The following PXN variants were observed in gnomAD, a reference collection of about 807,000 sequenced individuals.
PXN encodes paxillin.
In PXN, 61 loss-of-function variants were observed where a neutral mutation model predicts 103.6. The observed-to-expected ratio is 0.59, with a 90% CI of 0.48 to 0.73. The LOEUF (loss-of-function observed/expected upper bound fraction) is 0.73. PXN is among the 30% of genes least tolerant of loss of function. The pLI is 0.00. For synonymous variants in PXN, 562 were observed against 607.8 expected, an observed-to-expected ratio of 0.92 and a Z score of 1.11; for missense variants, 1,274 against 1,460.3, an observed-to-expected ratio of 0.87 and a Z score of 2.08.
chr12:120,220,216 A>G lies in PXN; in HGVS notation c.832-125T>C. The G allele has an allele frequency of 2.1e-6, 1 of 470,018 alleles. No homozygotes were observed. The highest frequency in any genetic ancestry group is 3.8e-6 in the Non-Finnish European group (1 of 265,780). The allele number at this position is 470,018 out of a possible 1,614,324, so 29.1% of individuals were successfully genotyped here. On this transcript the variant is annotated intron_variant, in intron 6 of 14. Transcript: ENST00000637617. The surrounding 1 kb of genome is among the most constrained non-coding windows in gnomAD (Gnocchi z 6.1). ...CAAGGTGGCTGCAAAGCTGACGCAC[A>G]GGACTGACCCTTGAAGGAGACCCAG...
chr12:120,216,587 G>A lies in PXN; in HGVS notation c.1993-6C>T. ...GAGCCAGGAGGGAAGACAACCTGGG[G>A]AGAAGAAAGGAGGGAGAGCGATGAG... On this transcript the variant is annotated splice_polypyrimidine_tract_variant and splice_region_variant and intron_variant, in intron 8 of 14. Coordinates refer to ENST00000637617, the MANE Select transcript of PXN (RefSeq NM_001385981.1). The surrounding 1 kb of genome is among the most constrained non-coding windows in gnomAD (Gnocchi z 5.1). 1.4e-6 allele frequency: 2 copies of A among 1,453,254 alleles called. No individual in the cohort carries two copies. The highest frequency in any genetic ancestry group is 1.8e-6 in the Non-Finnish European group (2 of 1,114,232). The allele number at this position is 1,453,254 out of a possible 1,614,324, so 90.0% of individuals were successfully genotyped here.
chr12:120,242,834 T>C (rs1890386087), intron 1 of PXN, among the ~76,000 whole-genome samples: 1 of 151,110 alleles, frequency 6.6e-6, no homozygotes, highest in Non-Finnish European at 1.5e-5. Flanking sequence ...TGAGCCAAGA[T>C]TATGCCACTG....
At position 120,211,957 on chromosome 12, in the gene PXN, C is replaced by CT. The variant is rs1880301714; in HGVS notation, c.*356_*357insA. The CT allele has an allele frequency of 1.8e-6, 1 of 559,814 alleles. No homozygotes were observed. Among genetic ancestry groups the CT allele is most frequent in the African/African-American group, 1.9e-5 (1 of 53,670 alleles). 34.7% of individuals were successfully genotyped at this position (559,814 alleles called of 1,614,324 possible). Reference sequence around the variant, plus strand: ...AGACCCTGCCTGCCCTTCCCTGCCCCCCGGCTGCACTGCTGAAATATGAGG... The same window carrying CT: ...AGACCCTGCCTGCCCTTCCCTGCCCCTCCGGCTGCACTGCTGAAATATGAGG... On this transcript the variant is annotated 3_prime_UTR_variant, in exon 15 of 15. Transcript: ENST00000637617.
Position 120,212,505 on chromosome 12 carries a change from C to T in PXN, c.3055G>A (p.Glu1019Lys). Residue 1019 changes from glutamate (E) to lysine (K), a missense_variant, in exon 15 of 15, where the codon GAG (glutamate) becomes AAG (lysine). Glu to Lys is a moderately conservative substitution (Grantham distance 56). Transcript: ENST00000637617. This position sits in a 1 kb window ranked among gnomAD's most constrained non-coding sequence, Gnocchi z 7.2. Reference sequence around the variant, plus strand: ...CCAGAACACAGCGAGCCGCGCCGCTCGTGGTAGTGCACCTCACAGTAGGGC... The same window carrying T: ...CCAGAACACAGCGAGCCGCGCCGCTTGTGGTAGTGCACCTCACAGTAGGGC... ...GQPYCEVHYH[E>K]RRGSLCSGCQ... 4.3e-6 allele frequency: 7 copies of T among 1,613,908 alleles called. No homozygotes were observed. The highest frequency in any genetic ancestry group is 1.3e-5 in the African/African-American group (1 of 75,044).
chr12:120,250,870 C>T (rs781351452), intron 1 of PXN, among the ~76,000 whole-genome samples: 5 of 152,156 alleles, frequency 3.3e-5, no homozygotes, highest in Non-Finnish European at 5.9e-5. Flanking sequence ...ACCAAGGCCA[C>T]GGGAAATGCA....
At chr12:120,226,633 G>A in intron 1 of PXN, 1 of 1,184,184 alleles carries the variant, frequency 8.4e-7, no homozygotes, top group South Asian at 1.6e-5. Context: ...AATGTCAACA[G>A]GCTCTTGGGA....
In PXN at chr12:120,229,065, T is replaced by A. The variant is rs1015682006; in HGVS notation, c.14-4688A>T. Among the ~76,000 whole-genome samples the A allele has an allele frequency of 2.0e-5, 3 of 152,174 alleles. No homozygotes were observed. Among genetic ancestry groups the A allele is most frequent in the Admixed American group, 2.0e-4 (3 of 15,282 alleles). ...GAGGAGGGGACCGGTTCGCCTGCAT[T>A]CCAGGGCAAGTGCTGCAGCTGCATC... On this transcript the variant is annotated intron_variant, in intron 1 of 14. Transcript: ENST00000637617. The surrounding 1 kb of genome is among the most constrained non-coding windows in gnomAD (Gnocchi z 4.0).
intron 3 of PXN, 23 bp from the exon 4 acceptor site, chr12:120,223,022 G>C: frequency 6.2e-7 from 1 of 1,613,954 alleles, no homozygotes; most frequent in Non-Finnish European, 8.5e-7. Context: ...AAGGAAAGAA[G>C]ATAGTGAGAG....
chr12:120,213,716 C>G lies in PXN; in HGVS notation c.2979+126G>C. On this transcript the variant is annotated intron_variant, in intron 14 of 14. Transcript: ENST00000637617. This position sits in a 1 kb window ranked among gnomAD's most constrained non-coding sequence, Gnocchi z 4.2. ...TGGACTGGAGGAAGGAGATCCCCTG[C>G]CTGCTCCCCCAATTAATAACCCCAA... 4 of 1,326,008 alleles carry G rather than the reference C, an allele frequency of 3.0e-6. No individual in the cohort carries two copies. The highest frequency in any genetic ancestry group is 4.1e-6 in the Non-Finnish European group (4 of 975,310). 82.1% of individuals were successfully genotyped at this position (1,326,008 alleles called of 1,614,324 possible). A position where few individuals can be genotyped will look rare whatever the true frequency, so the allele number is the denominator to read the frequency against.
At chr12:120,256,186 G>T (rs1892988549) in intron 1 of PXN, among the ~76,000 whole-genome samples, 1 of 152,010 alleles carries the variant, frequency 6.6e-6, no homozygotes, top group African/African-American at 2.4e-5. Flanking sequence ...CAAGGCAGAA[G>T]GATTGCTTGA....
In PXN at chr12:120,216,640, G is replaced by T; in HGVS notation, c.1993-59C>A. 1 of 1,548,448 alleles carries T rather than the reference G, an allele frequency of 6.5e-7. No homozygotes were observed. Among genetic ancestry groups the T allele is most frequent in the Admixed American group, 2.2e-5 (1 of 45,350 alleles). On this transcript the variant is annotated intron_variant, in intron 8 of 14. Transcript: ENST00000637617. This position sits in a 1 kb window ranked among gnomAD's most constrained non-coding sequence, Gnocchi z 5.1. ...AGAAATCGCCAGCTCAGCCCACAGG[G>T]GTGGCGGGACCTCCCCAGGCTCCCC...
At position 120,222,455 on chromosome 12, in the gene PXN, A is replaced by T; in HGVS notation, c.695+94T>A. 9.1e-6 allele frequency: 12 copies of T among 1,322,362 alleles called. No individual in the cohort carries two copies. The highest frequency in any genetic ancestry group is 1.2e-5 in the Non-Finnish European group (12 of 977,176). The allele number at this position is 1,322,362 out of a possible 1,614,324, so 81.9% of individuals were successfully genotyped here. On this transcript the variant is annotated intron_variant, in intron 5 of 14. Coordinates refer to ENST00000637617, the MANE Select transcript of PXN (RefSeq NM_001385981.1). This position sits in a 1 kb window ranked among gnomAD's most constrained non-coding sequence, Gnocchi z 4.7. ...CTGGCAAATGGCAGACACGGGAGGGAGTGGGTGATACCAGGGCTAAGGGGA... is the reference window on the plus strand; with the variant it reads ...CTGGCAAATGGCAGACACGGGAGGGTGTGGGTGATACCAGGGCTAAGGGGA...
chr12:120,211,484 G>C lies in PXN; in HGVS notation c.*830C>G, dbSNP rs1299165118. The stretch of plus-strand genomic sequence containing the variant: ...AGAGCCACCATCAGTGACAGGCCCA[G>C]TGGCGGTGGATGAGGAAGAGAATAC... On this transcript the variant is annotated 3_prime_UTR_variant, in exon 15 of 15. Transcript: ENST00000637617. 1.8e-5 allele frequency: 3 copies of C among 169,164 alleles called. No homozygotes were observed. Among genetic ancestry groups the C allele is most frequent in the African/African-American group, 4.8e-5 (2 of 41,936 alleles). The allele number at this position is 169,164 out of a possible 1,614,324, so 10.5% of individuals were successfully genotyped here.
chr12:120,242,771 T>C (rs532938086), intron 1 of PXN, among the ~76,000 whole-genome samples: 30 of 151,814 alleles, frequency 2.0e-4, no homozygotes, highest in Non-Finnish European at 3.1e-4. Context: ...ATCCCAGCTA[T>C]TCAGGAGGCT....
At position 120,213,909 on chromosome 12, in the gene PXN, C is replaced by T. The variant is rs1033318431; in HGVS notation, c.2912G>A (p.Arg971Gln). Residue 971 changes from arginine to glutamine, a missense_variant, in exon 14 of 15, where the codon CGG (arginine) becomes CAG (glutamine). By Grantham distance (43) the Arg-to-Gln change is conservative (BLOSUM62 1). Around this residue, in one of 2 missense-constraint regions of PXN, gnomAD observed 1,178 missense variants for 1,309.0 expected, o/e 0.90. Transcript: ENST00000637617. The surrounding 1 kb of genome is among the most constrained non-coding windows in gnomAD (Gnocchi z 4.2). ...TGAGATATAGTTCTCCAGGATGGCCCGGGCGCAGCCGCCACACTTGGGTGC... is the reference window on the plus strand; with the variant it reads ...TGAGATATAGTTCTCCAGGATGGCCTGGGCGCAGCCGCCACACTTGGGTGC... Reference protein sequence around the residue: ...MFAPKCGGCARAILENYISAL... With the variant: ...MFAPKCGGCAQAILENYISAL... The T allele has an allele frequency of 7.5e-6, 12 of 1,610,654 alleles. No individual in the cohort carries two copies. Among genetic ancestry groups the T allele is most frequent in the Admixed American group, 6.7e-5 (4 of 59,592 alleles).
chr12:120,259,815 C>T (rs1457857976), intron 1 of PXN, among the ~76,000 whole-genome samples: 1 of 152,190 alleles, frequency 6.6e-6, no homozygotes. Context: ...GAGGAGGGCA[C>T]CCTGAAGCCA....
intron 1 of PXN, among the ~76,000 whole-genome samples, chr12:120,235,505 C>T (rs1888868358): frequency 6.6e-6 from 1 of 152,142 alleles, no homozygotes; most frequent in Admixed American, 6.5e-5. Context: ...GGATGCCCCA[C>T]AAGGAGAGGA....
At chr12:120,234,841 A>G (rs1227098010) in intron 1 of PXN, among the ~76,000 whole-genome samples, 1 of 152,204 alleles carries the variant, frequency 6.6e-6, no homozygotes, top group Non-Finnish European at 1.5e-5. Flanking sequence ...CACTCAGTCA[A>G]TAGATCCACA....
Position 120,221,780 on chromosome 12 carries a change from A to C in PXN, c.696-22T>G. ...AGGGCTGCAGGGTGGGCACAGCATC[A>C]GTGGGGAGCCCACAGTCAGCCCCAC... On this transcript the variant is annotated intron_variant, in intron 5 of 14. Transcript: ENST00000637617. This position sits in a 1 kb window ranked among gnomAD's most constrained non-coding sequence, Gnocchi z 6.6. 6.5e-7 allele frequency: 1 copy of C among 1,546,864 alleles called. No homozygotes were observed.
Sources: allele counts gnomAD v4.1 joint callset (sites outside exome capture counted in the v4.1 genomes callset), GRCh38; gene constraint gnomAD v4.1.1; regional missense constraint gnomAD v4.1.1; non-coding constraint Gnocchi (gnomAD v3.1); transcripts MANE v1.5; gene names NCBI Gene and HGNC (gene_info 2026-07-23, HGNC 2026-07-21).